Variants in JAM3 observed in about 807,000 individuals in gnomAD.
JAM3 encodes the protein junctional adhesion molecule C.
Under a neutral mutation model 39.4 loss-of-function variants are expected in JAM3, and 31 were observed. The observed-to-expected ratio is 0.79, with a 90% CI of 0.59 to 1.06. The LOEUF (loss-of-function observed/expected upper bound fraction) is 1.06, where lower values mean the gene tolerates loss of function less well. Among genes scored for constraint, JAM3 ranks in the 50% least tolerant of loss-of-function variants. JAM3 has a pLI of 0.00. For synonymous variants in JAM3, 182 were observed against 148.7 expected (o/e 1.22, Z -1.63); for missense variants, 455 against 391.4 (o/e 1.16, Z -1.37).
At position 134,150,266 on chromosome 11, in the gene JAM3, T is replaced by C. The variant is rs1435339284; in HGVS notation, c.*1085T>C. 6.6e-6 allele frequency: 1 copy of C among 152,378 alleles called. No homozygotes were observed. The highest frequency in any genetic ancestry group is 1.5e-5 in the Non-Finnish European group (1 of 68,160). The allele number at this position is 152,378 out of a possible 1,614,324, so 9.4% of individuals were successfully genotyped here. ...CAATGTTGAAATCAGTTTGCATCTCTTCAAAAGAAACCTCTCAGGTTAGCT... is the reference window on the plus strand; with the variant it reads ...CAATGTTGAAATCAGTTTGCATCTCCTCAAAAGAAACCTCTCAGGTTAGCT... On this transcript the variant is annotated 3_prime_UTR_variant, in exon 9 of 9. Coordinates refer to ENST00000299106, the MANE Select transcript of JAM3 (RefSeq NM_032801.5).
chr11:134,095,627 CA>C (rs57776262), intron 1 of JAM3, among the ~76,000 whole-genome samples: 54,441 of 137,054 alleles, frequency 0.4, 10,251 homozygotes, highest in African/African-American at 0.53. Context: ...GAGACTCTGT[CA>C]AAAAAAAAAA....
intron 7 of JAM3, 31 bp downstream of exon 7, chr11:134,148,707 T>C: frequency 6.2e-7 from 1 of 1,613,962 alleles, no homozygotes; most frequent in Non-Finnish European, 8.5e-7. Context: ...AAAAGGGAAG[T>C]TCAAGCTGGC....
At chr11:134,105,092 C>T (rs1394590579) in intron 1 of JAM3, among the ~76,000 whole-genome samples, 1 of 152,102 alleles carries the variant, frequency 6.6e-6, no homozygotes, top group Non-Finnish European at 1.5e-5. Flanking sequence ...AACATCGATG[C>T]AAAAATCCTC....
intron 1 of JAM3, among the ~76,000 whole-genome samples, chr11:134,139,015 A>G (rs1185270017): frequency 6.6e-6 from 1 of 152,086 alleles, no homozygotes; most frequent in Non-Finnish European, 1.5e-5. Flanking sequence ...GGTGTTCTGT[A>G]TGAAGGCCTT....
chr11:134,146,086 A>G, intron 6 of JAM3, 41 bp downstream of exon 6: 1 of 1,248,306 alleles, frequency 8.0e-7, no homozygotes, highest in Non-Finnish European at 1.2e-6. Context: ...CAAGACTGGG[A>G]AGTGAATAGA....
chr11:134,144,251 G>C lies in JAM3; in HGVS notation c.267G>C (p.Ala89=). The C allele has an allele frequency of 6.2e-7, 1 of 1,614,150 alleles. No individual in the cohort carries two copies. The highest frequency in any genetic ancestry group is 8.5e-7 in the Non-Finnish European group (1 of 1,180,028). Residue 89 remains alanine (A), a synonymous_variant, in exon 4 of 9, where the codon GCG becomes GCC. Transcript: ENST00000299106. The part of the protein sequence containing the change: ...FFDNKIQGDL[A]GRAEILGKTS... ...GTGTCTTTTCTGTAGGAGACTTGGC[G>C]GGTCGTGCAGAAATACTGGGGAAGA...
At chr11:134,083,888 G>A (rs1565482990) in intron 1 of JAM3, among the ~76,000 whole-genome samples, 1 of 152,162 alleles carries the variant, frequency 6.6e-6, no homozygotes, top group Non-Finnish European at 1.5e-5. Flanking sequence ...CAGAAATGGG[G>A]CACTTCTTTG....
intron 1 of JAM3, among the ~76,000 whole-genome samples, chr11:134,081,945 A>C (rs1289154461): frequency 1.3e-5 from 2 of 152,258 alleles, no homozygotes; most frequent in South Asian, 4.1e-4. Context: ...CTCTTTTATC[A>C]GTGTGACCTG....
intron 1 of JAM3, among the ~76,000 whole-genome samples, chr11:134,089,270 A>T (rs1198171221): frequency 6.6e-6 from 1 of 152,104 alleles, no homozygotes; most frequent in Non-Finnish European, 1.5e-5. Context: ...TGGTTGTTTA[A>T]TTCCATATCT....
chr11:134,136,144 G>GACA lies in JAM3; in HGVS notation c.77-3707_77-3706insACA, dbSNP rs1942861479. ...AGAGTATGATGGACAGGCCAAAATA[G>GACA]GAAATTGAATAGGAATAACAGCATT... On this transcript the variant is annotated intron_variant, in intron 1 of 8. Transcript: ENST00000299106. Among the ~76,000 whole-genome samples the GACA allele has an allele frequency of 1.3e-4, 20 of 151,848 alleles. No individual in the cohort carries two copies. The South Asian group carries it at 3.9e-3, about 30-fold the overall frequency.
intron 1 of JAM3, among the ~76,000 whole-genome samples, chr11:134,133,048 T>G (rs1459259393): frequency 6.6e-6 from 1 of 152,158 alleles, no homozygotes; most frequent in Non-Finnish European, 1.5e-5. Flanking sequence ...GATTTTCAGG[T>G]TGTTCAGCTT....
At chr11:134,108,103 A>G (rs1324784988) in intron 1 of JAM3, among the ~76,000 whole-genome samples, 1 of 152,104 alleles carries the variant, frequency 6.6e-6, no homozygotes, top group Non-Finnish European at 1.5e-5. Flanking sequence ...TAACAATGCC[A>G]GGAATAAGAT....
chr11:134,140,749 T>G lies in JAM3; in HGVS notation c.235T>G (p.Phe79Val). ...KIQDEQTTYV[F>V]FDNKIQGDLA... is the part of the protein sequence containing the mutation. ...TCAAGATGAACAAACCACATATGTG[T>G]TTTTTGACAACAAAATTCAGGGTAT... The change falls in exon 3 of 9, where the codon TTT (phenylalanine) becomes GTT (valine). Residue 79 changes from phenylalanine (F) to valine (V), a missense_variant. By Grantham distance (50) the Phe-to-Val change is conservative (BLOSUM62 -1). Transcript: ENST00000299106. 1.2e-6 allele frequency: 2 copies of G among 1,613,384 alleles called. No individual in the cohort carries two copies. Among genetic ancestry groups the G allele is most frequent in the Non-Finnish European group, 1.7e-6 (2 of 1,179,610 alleles).
At chr11:134,119,397 T>C (rs1942494271) in intron 1 of JAM3, among the ~76,000 whole-genome samples, 1 of 152,268 alleles carries the variant, frequency 6.6e-6, no homozygotes. Context: ...GAGCTTTTCA[T>C]ATAATGTCTA....
chr11:134,140,165 C>T (rs571172558), intron 2 of JAM3, among the ~76,000 whole-genome samples: 38 of 152,220 alleles, frequency 2.5e-4, no homozygotes, highest in African/African-American at 8.9e-4. Context: ...TTTCTTTTTT[C>T]TTTTTGAGAT....
chr11:134,107,882 A>G (rs1942228259), intron 1 of JAM3, among the ~76,000 whole-genome samples: 1 of 152,072 alleles, frequency 6.6e-6, no homozygotes, highest in African/African-American at 2.4e-5. Flanking sequence ...AAATAAACAG[A>G]AAAATAGGAA....
chr11:134,146,930 A>C (rs1461599824), intron 6 of JAM3, among the ~76,000 whole-genome samples: 1 of 152,170 alleles, frequency 6.6e-6, no homozygotes, highest in East Asian at 1.9e-4. Flanking sequence ...AGCATTTTCC[A>C]AAACTGCCTG....
At chr11:134,121,713 A>C (rs1317220428) in intron 1 of JAM3, among the ~76,000 whole-genome samples, 3 of 152,132 alleles carry the variant, frequency 2.0e-5, no homozygotes. Flanking sequence ...AATGAGGGCT[A>C]ATGTTTCATG....
intron 1 of JAM3, among the ~76,000 whole-genome samples, chr11:134,112,520 CTTAA>C (rs746051289): frequency 1.2e-4 from 19 of 152,164 alleles, no homozygotes; most frequent in African/African-American, 2.4e-4. Flanking sequence ...CACAGATATA[CTTAA>C]TTATGTACGA....
Sources: gnomAD v4.1 joint callset for allele counts (sites outside exome capture counted in the v4.1 genomes callset) on GRCh38, gnomAD v4.1.1 for gene constraint, MANE v1.5 for transcripts, NCBI Gene and HGNC (gene_info 2026-07-23, HGNC 2026-07-21) for gene names.